The following HMCN1 variants were observed in gnomAD, a reference collection of about 807,000 sequenced individuals.
The protein encoded by HMCN1 is hemicentin 1.
HMCN1 carries 321 observed loss-of-function variants against 625.9 expected under a neutral mutation model. The ratio of observed to expected loss-of-function variants is 0.51; its 90% CI spans 0.47 to 0.56. The LOEUF (loss-of-function observed/expected upper bound fraction) is 0.56, where lower values mean the gene tolerates loss of function less well. Among genes scored for constraint, HMCN1 ranks in the 20% least tolerant of loss-of-function variants. HMCN1 has a pLI of 0.00. For missense variants in HMCN1, 6,588 were observed against 6,887.3 expected (o/e 0.96, Z 1.54); for synonymous variants, 2,425 against 2,417.6 (o/e 1.00, Z -0.09).
In HMCN1 at chr1:186,189,424, A is replaced by G. The variant is rs1045619544; in HGVS notation, c.16542-88A>G. ...AGGCTGCCTACTGCATGCAGTGCCT[A>G]AAAGTTGTCATGGATCATGATCACC... On this transcript the variant is annotated intron_variant, in intron 106 of 106. Coordinates refer to ENST00000271588, the MANE Select transcript of HMCN1 (RefSeq NM_031935.3). 56 of 1,497,602 alleles carry G rather than the reference A, an allele frequency of 3.7e-5. No homozygotes were observed. The Admixed American group carries it at 9.4e-4, about 25-fold the overall frequency. The allele number at this position is 1,497,602 out of a possible 1,614,324, so 92.8% of individuals were successfully genotyped here.
intron 58 of HMCN1, among the ~76,000 whole-genome samples, chr1:186,086,810 TAGATGATA>T (rs771739034): frequency 7.0e-3 from 165 of 23,540 alleles, no homozygotes; most frequent in African/African-American, 0.02. Context: ...GATAGATAGA[TAGATGATA>T]GATAGATAGA....
intron 106 of HMCN1, 113 bp from the exon 107 acceptor site, chr1:186,189,399 A>G: frequency 9.0e-7 from 1 of 1,108,332 alleles, no homozygotes; most frequent in Non-Finnish European, 1.4e-6. Context: ...TTTTACAGCC[A>G]GGCTGCCTAC....
At chr1:185,879,082 G>T (rs951253416) in intron 4 of HMCN1, among the ~76,000 whole-genome samples, 3 of 152,164 alleles carry the variant, frequency 2.0e-5, no homozygotes, top group African/African-American at 7.2e-5. Context: ...TAGTTAGTTG[G>T]TAAAATGCTT....
intron 10 of HMCN1, among the ~76,000 whole-genome samples, chr1:185,929,813 T>C (rs1667455485): frequency 6.6e-6 from 1 of 152,206 alleles, no homozygotes. Flanking sequence ...AAATAAAGTT[T>C]GTCTTCTGAA....
At chr1:186,128,789 A>G (rs1241327060) in intron 83 of HMCN1, among the ~76,000 whole-genome samples, 1 of 152,100 alleles carries the variant, frequency 6.6e-6, no homozygotes, top group Non-Finnish European at 1.5e-5. Flanking sequence ...TCTGGAACCC[A>G]GGAGCACCCA....
intron 1 of HMCN1, among the ~76,000 whole-genome samples, chr1:185,773,568 G>T (rs1453559469): frequency 6.6e-6 from 1 of 152,154 alleles, no homozygotes; most frequent in African/African-American, 2.4e-5. Context: ...AAAATGCAGA[G>T]AAAAGGGTTC....
At chr1:185,905,853 A>G (rs558035829) in intron 4 of HMCN1, among the ~76,000 whole-genome samples, 1 of 151,974 alleles carries the variant, frequency 6.6e-6, no homozygotes, top group African/African-American at 2.4e-5. Flanking sequence ...CTCAAATATC[A>G]GTTTCCTCAT....
chr1:186,163,532 TC>T (rs1222971728), intron 97 of HMCN1, among the ~76,000 whole-genome samples: 4 of 152,152 alleles, frequency 2.6e-5, no homozygotes, highest in African/African-American at 9.7e-5. Flanking sequence ...CTGGAGCTGT[TC>T]CTATTCGGCC....
intron 2 of HMCN1, among the ~76,000 whole-genome samples, chr1:185,848,457 T>C (rs1276585424): frequency 2.0e-5 from 3 of 152,092 alleles, no homozygotes; most frequent in Non-Finnish European, 4.4e-5. Flanking sequence ...CACTTGGCCA[T>C]TGAGTATTGG....
At chr1:185,953,280 C>T (rs1649371544) in intron 11 of HMCN1, among the ~76,000 whole-genome samples, 1 of 151,760 alleles carries the variant, frequency 6.6e-6, no homozygotes, top group Non-Finnish European at 1.5e-5. Flanking sequence ...GTACTTGACC[C>T]TTCCCCAGAA....
At chr1:185,938,722 CA>C (rs1667939369) in intron 11 of HMCN1, among the ~76,000 whole-genome samples, 1 of 152,066 alleles carries the variant, frequency 6.6e-6, no homozygotes, top group African/African-American at 2.4e-5. Context: ...ATCACTTTAA[CA>C]GACTGATGTT....
chr1:185,734,734 C>T lies in HMCN1; in HGVS notation c.-46C>T. The T allele has an allele frequency of 6.3e-7, 1 of 1,599,746 alleles. No individual in the cohort carries two copies. Among genetic ancestry groups the T allele is most frequent in the Non-Finnish European group, 8.6e-7 (1 of 1,168,500 alleles). Reference sequence around the variant, plus strand: ...GCCTGTTGTTGAGGAGGACTGAGCACAGTGCTTAGGCGCTGAGGGGGAAAA... The same window carrying T: ...GCCTGTTGTTGAGGAGGACTGAGCATAGTGCTTAGGCGCTGAGGGGGAAAA... On this transcript the variant is annotated 5_prime_UTR_variant, in exon 1 of 107. Transcript: ENST00000271588.
intron 105 of HMCN1, among the ~76,000 whole-genome samples, chr1:186,187,253 A>C (rs1653389466): frequency 6.6e-6 from 1 of 152,118 alleles, no homozygotes; most frequent in Non-Finnish European, 1.5e-5. Context: ...GGATAGACTC[A>C]ACACAGTCCA....
At chr1:185,806,346 A>G (rs1022278108) in intron 1 of HMCN1, among the ~76,000 whole-genome samples, 1 of 151,936 alleles carries the variant, frequency 6.6e-6, no homozygotes, top group African/African-American at 2.4e-5. Flanking sequence ...CTTTTCTCAG[A>G]TTTACTTTGT....
In HMCN1 at chr1:186,132,386, G is replaced by T; in HGVS notation, c.13289G>T (p.Arg4430Leu). The change falls in exon 86 of 107, where the codon CGC becomes CTC. Residue 4430 changes from arginine (R) to leucine (L), a missense_variant. Around this residue, in one of 3 missense-constraint regions of HMCN1, gnomAD observed 1,954 missense variants for 2,013.1 expected, o/e 0.97. Transcript: ENST00000271588. ...ACCAATGAAGCTGGGGTGGTGGAGC[G>T]CAGCATGAGTCTGACTCTGCAAAGT... ...VATNEAGVVE[R>L]SMSLTLQSPP... 6.2e-7 allele frequency: 1 copy of T among 1,611,964 alleles called. No individual in the cohort carries two copies. The highest frequency in any genetic ancestry group is 8.5e-7 in the Non-Finnish European group (1 of 1,178,842).
chr1:185,941,619 G>A (rs550622989), intron 11 of HMCN1, among the ~76,000 whole-genome samples: 9 of 152,240 alleles, frequency 5.9e-5, no homozygotes, highest in East Asian at 3.9e-4. Context: ...TGGTATTCAC[G>A]TAATTTCTCT....
intron 1 of HMCN1, among the ~76,000 whole-genome samples, chr1:185,837,193 G>A (rs1046929884): frequency 6.6e-6 from 1 of 151,922 alleles, no homozygotes; most frequent in Non-Finnish European, 1.5e-5. Context: ...TGTAATACAT[G>A]TAACTGTAAT....
In HMCN1 at chr1:186,023,144, C is replaced by T. The variant is rs1233796437; in HGVS notation, c.5740C>T (p.His1914Tyr). The T allele has an allele frequency of 6.2e-7, 1 of 1,612,788 alleles. No individual in the cohort carries two copies. Among genetic ancestry groups the T allele is most frequent in the Non-Finnish European group, 8.5e-7 (1 of 1,179,048 alleles). ...AGETQQHIQL[H>Y]VHEPPSLEDA... is the part of the protein sequence containing the mutation. The stretch of plus-strand genomic sequence containing the variant: ...AGAAACACAACAGCACATTCAACTG[C>T]ATGTTCATGGTAATGTAATTTCTAC... Residue 1914 changes from histidine (H) to tyrosine (Y), a missense_variant, in exon 36 of 107, where the codon CAT becomes TAT. His to Tyr is a moderately conservative substitution (Grantham distance 83). Transcript: ENST00000271588.
At chr1:185,903,254 T>A (rs889131208) in intron 4 of HMCN1, among the ~76,000 whole-genome samples, 1 of 151,808 alleles carries the variant, frequency 6.6e-6, no homozygotes, top group Non-Finnish European at 1.5e-5. Context: ...TATAAAACTT[T>A]GATCATGTAG....
Sources: allele counts gnomAD v4.1 joint callset (sites outside exome capture counted in the v4.1 genomes callset), GRCh38; gene constraint gnomAD v4.1.1; regional missense constraint gnomAD v4.1.1; transcripts MANE v1.5; gene names NCBI Gene and HGNC (gene_info 2026-07-23, HGNC 2026-07-21).